Variants in AFF3 observed in about 807,000 individuals in gnomAD.
AFF3 encodes AF4/FMR2 family member 3.
A neutral mutation model predicts 129.7 loss-of-function variants in AFF3; 32 were observed. The observed-to-expected ratio is 0.25, with a 90% confidence interval of 0.19 to 0.33. The LOEUF (loss-of-function observed/expected upper bound fraction) is 0.33, where lower values mean the gene tolerates loss of function less well. Among genes scored for constraint, AFF3 ranks in the 10% least tolerant of loss-of-function variants. The pLI is 1.00. For synonymous variants in AFF3, 644 were observed against 635.4 expected (o/e 1.01, Z -0.20); for missense variants, 1,373 against 1,592.0 (o/e 0.86, Z 2.34).
chr2:100,073,333 T>C (rs1688347027), intron 4 of AFF3, among the ~76,000 whole-genome samples: 1 of 152,026 alleles, frequency 6.6e-6, no homozygotes, highest in African/African-American at 2.4e-5. Context: ...AACATGAAGG[T>C]GTCGGGTGAT....
At position 99,988,729 on chromosome 2, in the gene AFF3, A is replaced by T. The variant is rs1480204840; in HGVS notation, c.873+17903T>A. ...GGACACCATTTTTGCAGAACTCCTGACATCCCTCGGCACTGGGTTCTGTAG... is the reference window on the plus strand; with the variant it reads ...GGACACCATTTTTGCAGAACTCCTGTCATCCCTCGGCACTGGGTTCTGTAG... On this transcript the variant is annotated intron_variant, in intron 7 of 24. Transcript: ENST00000672756. 6.6e-5 allele frequency among the ~76,000 whole-genome samples: 10 copies of T among 152,164 alleles called. No homozygotes were observed. The South Asian group carries it at 8.3e-4, about 13-fold the overall frequency.
At chr2:99,701,616 G>A (rs1036910724) in intron 11 of AFF3, among the ~76,000 whole-genome samples, 5 of 152,136 alleles carry the variant, frequency 3.3e-5, no homozygotes, top group Non-Finnish European at 4.4e-5. Context: ...GTAAAATGTC[G>A]AAACCAGGAA....
At chr2:99,769,304 G>A (rs940707994) in intron 8 of AFF3, among the ~76,000 whole-genome samples, 2 of 152,094 alleles carry the variant, frequency 1.3e-5, no homozygotes, top group African/African-American at 4.8e-5. Flanking sequence ...TCTTCAGTAT[G>A]TCAGCTGCAT....
chr2:99,604,919 C>T lies in AFF3; in HGVS notation c.1185-3298G>A, dbSNP rs74850862. Reference sequence around the variant, plus strand: ...CTATCTGCTTTCACTCAACAAAAAACATGCGATGCTGGTTCTGTGTGCTCT... The same window carrying T: ...CTATCTGCTTTCACTCAACAAAAAATATGCGATGCTGGTTCTGTGTGCTCT... On this transcript the variant is annotated intron_variant, in intron 13 of 24. Coordinates refer to ENST00000672756, the MANE Select transcript of AFF3 (RefSeq NM_001386135.1). Among the ~76,000 whole-genome samples the T allele has an allele frequency of 4.7e-4, 72 of 152,342 alleles. 1 individual carries two copies. Among genetic ancestry groups the T allele is most frequent in the African/African-American group, 1.7e-3 (72 of 41,596 alleles).
chr2:99,786,197 T>A (rs1314339599), intron 8 of AFF3, among the ~76,000 whole-genome samples: 1 of 152,196 alleles, frequency 6.6e-6, no homozygotes, highest in Non-Finnish European at 1.5e-5. Flanking sequence ...CTGACTGCCA[T>A]TTCTTCTCTG....
intron 4 of AFF3, among the ~76,000 whole-genome samples, chr2:100,020,011 C>T (rs1309248998): frequency 1.3e-5 from 2 of 152,010 alleles, no homozygotes; most frequent in Non-Finnish European, 2.9e-5. Flanking sequence ...AATGATAGGC[C>T]CTCCCTGACC....
In AFF3 at chr2:99,578,371, G is replaced by T. The variant is rs372813543; in HGVS notation, c.2874C>A (p.Asn958Lys). The T allele has an allele frequency of 6.2e-7, 1 of 1,608,210 alleles. No individual in the cohort carries two copies. The highest frequency in any genetic ancestry group is 8.5e-7 in the Non-Finnish European group (1 of 1,177,938). The change falls in exon 18 of 25, where the codon AAC becomes AAA. Residue 958 changes from asparagine (N) to lysine (K), a missense_variant. This residue lies in a region of AFF3 where 466 missense variants were observed against 505.0 expected (regional missense o/e 0.92). Transcript: ENST00000672756. ...TCTGCCTCTTGCAGTCCCTGTGGCC[G>T]TTGGAGCCTGGAGACCACGGCTTCG... ...PQTKPWSPGS[N>K]GHRDCKRQKL...
At chr2:100,087,927 C>T (rs1164983578) in intron 4 of AFF3, among the ~76,000 whole-genome samples, 2 of 149,532 alleles carry the variant, frequency 1.3e-5, no homozygotes, top group African/African-American at 4.9e-5. Flanking sequence ...ACCCATATGA[C>T]CATCTCAATA....
At chr2:99,640,045 C>T (rs939560441) in intron 13 of AFF3, among the ~76,000 whole-genome samples, 1 of 152,072 alleles carries the variant, frequency 6.6e-6, no homozygotes, top group Non-Finnish European at 1.5e-5. Flanking sequence ...GTGGTAGCCT[C>T]CTCGGAGGCA....
intron 7 of AFF3, among the ~76,000 whole-genome samples, chr2:99,847,288 G>C (rs566425283): frequency 4.1e-4 from 62 of 151,874 alleles, no homozygotes; most frequent in African/African-American, 1.5e-3. Flanking sequence ...CAATTCTCCC[G>C]CCTCAGCCTC....
intron 10 of AFF3, among the ~76,000 whole-genome samples, chr2:99,728,610 C>T (rs1679554245): frequency 6.6e-6 from 1 of 152,142 alleles, no homozygotes; most frequent in South Asian, 2.1e-4. Flanking sequence ...ACAGTTTCTA[C>T]AGTTCGTACA....
intron 13 of AFF3, among the ~76,000 whole-genome samples, chr2:99,614,725 G>T (rs1051074921): frequency 6.6e-6 from 1 of 152,170 alleles, no homozygotes; most frequent in Non-Finnish European, 1.5e-5. Context: ...CATTTGCTAA[G>T]AAATACAATT....
At chr2:99,794,861 G>C (rs1266994409) in intron 8 of AFF3, among the ~76,000 whole-genome samples, 1 of 152,074 alleles carries the variant, frequency 6.6e-6, no homozygotes, top group African/African-American at 2.4e-5. Context: ...GTTTTCCAAT[G>C]TCTGAAAACA....
At chr2:100,141,580 A>G (rs1396735667) in intron 1 of AFF3, among the ~76,000 whole-genome samples, 1 of 152,242 alleles carries the variant, frequency 6.6e-6, no homozygotes. Context: ...TATTGTAAAC[A>G]CTTGACCTTT....
At chr2:100,128,822 A>G (rs958023970) in intron 2 of AFF3, among the ~76,000 whole-genome samples, 2 of 152,218 alleles carry the variant, frequency 1.3e-5, no homozygotes, top group South Asian at 2.1e-4. Context: ...TGTTGACTAC[A>G]TGTCTAAGTG....
chr2:100,099,861 T>C (rs1423249003), intron 4 of AFF3, among the ~76,000 whole-genome samples: 4 of 151,870 alleles, frequency 2.6e-5, no homozygotes, highest in African/African-American at 9.7e-5. Flanking sequence ...GTAATAAGCG[T>C]TATTTCATGA....
At chr2:99,766,218 A>T (rs931415282) in intron 8 of AFF3, among the ~76,000 whole-genome samples, 2 of 152,234 alleles carry the variant, frequency 1.3e-5, no homozygotes, top group East Asian at 1.9e-4. Context: ...GTCAGGTGGG[A>T]CTTCTGGTTT....
intron 13 of AFF3, among the ~76,000 whole-genome samples, chr2:99,622,193 T>C (rs542846635): frequency 1.4e-4 from 21 of 151,714 alleles, no homozygotes; most frequent in Non-Finnish European, 2.8e-4. Flanking sequence ...GAGTCGAGGG[T>C]GGGTGCGTTC....
intron 4 of AFF3, 27 bp from the exon 5 acceptor site, chr2:100,008,959 A>C (rs201782034): frequency 3.1e-5 from 50 of 1,611,592 alleles, no homozygotes; most frequent in African/African-American, 4.0e-5. Flanking sequence ...AAGAGAGAAC[A>C]ACCACACACA....
Sources: allele counts gnomAD v4.1 joint callset (sites outside exome capture counted in the v4.1 genomes callset), GRCh38; gene constraint gnomAD v4.1.1; regional missense constraint gnomAD v4.1.1; transcripts MANE v1.5; gene names NCBI Gene and HGNC (gene_info 2026-07-23, HGNC 2026-07-21).